PRKCE: variants seen among roughly 807,000 people sequenced by gnomAD.
PRKCE encodes protein kinase C epsilon type.
Under a neutral mutation model 85.4 loss-of-function variants are expected in PRKCE, and 16 were observed. That is an observed-to-expected ratio of 0.19 (90% CI 0.13 to 0.28). The LOEUF (loss-of-function observed/expected upper bound fraction) is 0.28, where lower values mean the gene tolerates loss of function less well. Among genes scored for constraint, PRKCE ranks in the 10% least tolerant of loss-of-function variants. The probability of loss-of-function intolerance (pLI) is 1.00; values close to 1 mark genes in which losing one functional copy is unlikely to be tolerated. For synonymous variants in PRKCE, 388 were observed against 371.5 expected (o/e 1.04, Z -0.51); for missense variants, 573 against 975.2 (o/e 0.59, Z 5.49).
intron 2 of PRKCE, among the ~76,000 whole-genome samples, chr2:45,889,998 G>A (rs1351339755): frequency 6.6e-6 from 1 of 152,166 alleles, no homozygotes; most frequent in Non-Finnish European, 1.5e-5. Context: ...GTAAATGGAG[G>A]TTTAGCATTA....
chr2:45,752,258 C>G (rs148504370), intron 1 of PRKCE, among the ~76,000 whole-genome samples: 1 of 152,158 alleles, frequency 6.6e-6, no homozygotes, highest in Non-Finnish European at 1.5e-5. Flanking sequence ...TTATCGTTAT[C>G]CCCATTTTAC....
At chr2:45,897,604 G>A (rs755781951) in intron 2 of PRKCE, among the ~76,000 whole-genome samples, 1 of 152,204 alleles carries the variant, frequency 6.6e-6, no homozygotes, top group Non-Finnish European at 1.5e-5. Flanking sequence ...GATGTTTAGA[G>A]GTGCAAGAGG....
rs561897546 is a variant in PRKCE, at chr2:45,815,894, G to T, written c.349-27106G>T. On this transcript the variant is annotated intron_variant, in intron 1 of 14. Transcript: ENST00000306156. ...TCCCAGTTTCTCACCTGTTAAGTGG[G>T]AGCACTGGTATCCATTCCACAAATC... is the stretch of plus-strand genomic sequence containing the variant. Among the ~76,000 whole-genome samples, 10 of 152,242 alleles carry T rather than the reference G, an allele frequency of 6.6e-5. No homozygotes were observed. The East Asian group carries it at 1.7e-3, about 26-fold the overall frequency.
intron 1 of PRKCE, among the ~76,000 whole-genome samples, chr2:45,799,178 A>T (rs532956547): frequency 9.2e-4 from 140 of 151,900 alleles, no homozygotes; most frequent in Middle Eastern, 3.4e-3. Flanking sequence ...AAAAAAAAAA[A>T]GAAAAAAGTG....
chr2:46,038,003 G>A (rs1032122513), intron 10 of PRKCE, among the ~76,000 whole-genome samples: 1 of 152,166 alleles, frequency 6.6e-6, no homozygotes, highest in African/African-American at 2.4e-5. Context: ...TTAACGCTGG[G>A]ATGCAGTGAT....
At chr2:45,870,658 C>T (rs1042070971) in intron 2 of PRKCE, among the ~76,000 whole-genome samples, 4 of 152,144 alleles carry the variant, frequency 2.6e-5, no homozygotes, top group Non-Finnish European at 4.4e-5. Flanking sequence ...GGAAGAGCCT[C>T]GTGGTCAAGG....
intron 2 of PRKCE, among the ~76,000 whole-genome samples, chr2:45,901,498 T>TG (rs1259571305): frequency 2.0e-5 from 3 of 152,252 alleles, no homozygotes; most frequent in African/African-American, 7.2e-5. Flanking sequence ...AATCAACGTA[T>TG]GGCTGATAGA....
chr2:46,095,880 TTAGCCTTTGTG>T (rs1670635335), intron 11 of PRKCE, among the ~76,000 whole-genome samples: 1 of 152,214 alleles, frequency 6.6e-6, no homozygotes, highest in Non-Finnish European at 1.5e-5. Flanking sequence ...AAACACTTAT[TTAGCCTTTGTG>T]TAGCCAGACA....
chr2:46,050,300 C>T (rs923093832), intron 10 of PRKCE, among the ~76,000 whole-genome samples: 1 of 152,216 alleles, frequency 6.6e-6, no homozygotes, highest in African/African-American at 2.4e-5. Flanking sequence ...AACAGGCTTC[C>T]TTCTAATCCC....
At chr2:45,974,051 C>G (rs1406774736) in intron 2 of PRKCE, among the ~76,000 whole-genome samples, 1 of 152,118 alleles carries the variant, frequency 6.6e-6, no homozygotes, top group Non-Finnish European at 1.5e-5. Context: ...TCCTATGATG[C>G]CCAGGATGAT....
At chr2:46,079,170 T>G (rs1668822788) in intron 10 of PRKCE, among the ~76,000 whole-genome samples, 1 of 79,540 alleles carries the variant, frequency 1.3e-5, no homozygotes, top group South Asian at 5.0e-4. Flanking sequence ...AGCAAGACTC[T>G]GTCTCAAAAA....
At chr2:46,132,981 T>A (rs921354488) in intron 11 of PRKCE, among the ~76,000 whole-genome samples, 2 of 152,214 alleles carry the variant, frequency 1.3e-5, no homozygotes, top group African/African-American at 4.8e-5. Context: ...ACATTTGTGT[T>A]TCCTCAGCTC....
chr2:45,849,384 T>TCATAGAGTCCCATAGCAATCC (rs1224102258), intron 2 of PRKCE, among the ~76,000 whole-genome samples: 8 of 152,282 alleles, frequency 5.3e-5, no homozygotes, highest in Middle Eastern at 3.4e-3. Flanking sequence ...CTTAGCAACC[T>TCATAGAGTCCCATAGCAATCC]CATAGAGTCC....
chr2:46,024,448 C>T (rs1706940714), intron 10 of PRKCE, among the ~76,000 whole-genome samples: 1 of 152,128 alleles, frequency 6.6e-6, no homozygotes, highest in South Asian at 2.1e-4. Context: ...AGTCCGCCTC[C>T]TTAGTGTGGC....
At chr2:46,028,543 G>T (rs1007984156) in intron 10 of PRKCE, among the ~76,000 whole-genome samples, 2 of 152,156 alleles carry the variant, frequency 1.3e-5, no homozygotes, top group African/African-American at 4.8e-5. Context: ...CACTCACTGT[G>T]CTGCCCTCCC....
At chr2:45,675,737 G>C (rs1270459700) in intron 1 of PRKCE, 2 of 152,244 alleles carry the variant, frequency 1.3e-5, no homozygotes, top group Non-Finnish European at 2.9e-5. Context: ...CATGCCAGAA[G>C]AGTTCAGGCC....
chr2:45,947,215 G>T (rs1700300582), intron 2 of PRKCE, among the ~76,000 whole-genome samples: 1 of 152,200 alleles, frequency 6.6e-6, no homozygotes. Context: ...GATGCCAGTT[G>T]CAAAAGACCA....
intron 5 of PRKCE, among the ~76,000 whole-genome samples, chr2:45,984,226 C>A (rs13035811): frequency 0.25 from 37,834 of 151,968 alleles, 6,248 homozygotes; most frequent in African/African-American, 0.48. Context: ...ATATGATCCA[C>A]TGCACCCGGC....
At chr2:46,103,553 A>G (rs1166615485) in intron 11 of PRKCE, among the ~76,000 whole-genome samples, 17 of 152,186 alleles carry the variant, frequency 1.1e-4, no homozygotes, top group Non-Finnish European at 5.9e-5. Flanking sequence ...CTTGAAAAAC[A>G]TGGGAGTGAG....
Sources: allele counts gnomAD v4.1 joint callset (sites outside exome capture counted in the v4.1 genomes callset), GRCh38; gene constraint gnomAD v4.1.1; transcripts MANE v1.5; gene names NCBI Gene and HGNC (gene_info 2026-07-23, HGNC 2026-07-21).